FBRS: variants seen among roughly 807,000 people sequenced by gnomAD.
FBRS encodes the protein fibrosin.
Under a neutral mutation model 86.1 loss-of-function variants are expected in FBRS, and 15 were observed. That is an observed-to-expected ratio of 0.17 (90% CI 0.12 to 0.27). The LOEUF (loss-of-function observed/expected upper bound fraction) is 0.27. Ranked by LOEUF, FBRS falls within the 10% of genes least tolerant of loss-of-function variation. The pLI is 1.00. For missense variants in FBRS, 1,367 were observed against 1,301.6 expected, an observed-to-expected ratio of 1.05 and a Z score of -0.77; for synonymous variants, 666 against 575.8, an observed-to-expected ratio of 1.16 and a Z score of -2.24.
At chr16:30,663,448 T>C (rs1161817358) in intron 6 of FBRS, among the ~76,000 whole-genome samples, 1 of 152,040 alleles carries the variant, frequency 6.6e-6, no homozygotes, top group Non-Finnish European at 1.5e-5. Context: ...TTTTGTGAAC[T>C]TTAGAAAGCT....
rs1311000860 is a variant in FBRS at position 30,665,208 on chromosome 16, CT to C, written c.1609-97del. 4 of 1,512,796 alleles carry C rather than the reference CT, an allele frequency of 2.6e-6. No homozygotes were observed. The East Asian group carries it at 9.7e-5, about 37-fold the overall frequency. 93.7% of individuals were successfully genotyped at this position (1,512,796 alleles called of 1,614,324 possible). On this transcript the variant is annotated intron_variant, in intron 9 of 17. Transcript: ENST00000356166. The surrounding 1 kb of genome is among the most constrained non-coding windows in gnomAD (Gnocchi z 4.1). ...AGAGCCTTGAGCCTGGGACAGCTCCCTGGGGGGCTTTAGGGTGGAGGCCCGT... is the reference window on the plus strand; with the variant it reads ...AGAGCCTTGAGCCTGGGACAGCTCCCGGGGGGCTTTAGGGTGGAGGCCCGT...
At chr16:30,666,635 C>G in intron 12 of FBRS, 94 bp downstream of exon 12, 1 of 1,580,570 alleles carries the variant, frequency 6.3e-7, no homozygotes, top group African/African-American at 1.3e-5. Context: ...AAGTGAGAAG[C>G]CCAGAACATG....
chr16:30,668,808 G>A lies in FBRS; in HGVS notation c.2195G>A (p.Gly732Glu), dbSNP rs2052554044. The A allele has an allele frequency of 6.3e-7, 1 of 1,599,440 alleles. No individual in the cohort carries two copies. The highest frequency in any genetic ancestry group is 8.5e-7 in the Non-Finnish European group (1 of 1,178,228). The part of the protein sequence containing the change: ...GAVFAQKESP[G>E]APPAFASPPD... ...GTCTTTGCCCAGAAAGAAAGCCCAG[G>A]GGCCCCACCAGCCTTCGCCTCCCCA... Residue 732 changes from glycine (G) to glutamate (E), a missense_variant, in exon 17 of 18, where the codon GGG becomes GAG. Physicochemically the swap from Gly to Glu is moderately conservative, Grantham distance 98. Around this residue, in one of 3 missense-constraint regions of FBRS, gnomAD observed 659 missense variants for 678.8 expected, o/e 0.97. Coordinates refer to ENST00000356166, the MANE Select transcript of FBRS (RefSeq NM_001105079.3).
At chr16:30,663,833 C>T (rs893925) in intron 6 of FBRS, among the ~76,000 whole-genome samples, 2,961 of 152,316 alleles carry the variant, frequency 0.019, 87 homozygotes, top group African/African-American at 0.069. Context: ...ATTCAGGTCT[C>T]CTGACTCCCA....
rs2052566347 is a variant in FBRS, at chr16:30,669,263, G to A, written c.2561G>A (p.Gly854Asp). 6.4e-7 allele frequency: 1 copy of A among 1,562,422 alleles called. No individual in the cohort carries two copies. The change falls in exon 18 of 18, where the codon GGC (glycine) becomes GAC (aspartate). Residue 854 changes from glycine (G) to aspartate (D), a missense_variant. By Grantham distance (94) the Gly-to-Asp change is moderately conservative (BLOSUM62 -1). This residue lies in a region of FBRS where 659 missense variants were observed against 678.8 expected (regional missense o/e 0.97). Coordinates refer to ENST00000356166, the MANE Select transcript of FBRS (RefSeq NM_001105079.3). This position sits in a 1 kb window ranked among gnomAD's most constrained non-coding sequence, Gnocchi z 5.9. ...GCCGCAGCAGCCACTGGGCCCCAGGGCCTTCACCTGCTGTTTGAGAGGCCC... is the reference window on the plus strand; with the variant it reads ...GCCGCAGCAGCCACTGGGCCCCAGGACCTTCACCTGCTGTTTGAGAGGCCC... The part of the protein sequence containing the change: ...AAAAAATGPQ[G>D]LHLLFERPRP...
At position 30,660,451 on chromosome 16, in the gene FBRS, G is replaced by A; in HGVS notation, c.639+9G>A. On this transcript the variant is annotated intron_variant, in intron 2 of 17. Transcript: ENST00000356166. Reference sequence around the variant, plus strand: ...AGCGGAGAAGAAAAGAGGTGAGGTTGTCCCTTAAAACTCTTTAGGCAGAAT... The same window carrying A: ...AGCGGAGAAGAAAAGAGGTGAGGTTATCCCTTAAAACTCTTTAGGCAGAAT... The A allele has an allele frequency of 8.0e-7, 1 of 1,257,428 alleles. No individual in the cohort carries two copies. The allele number at this position is 1,257,428 out of a possible 1,614,324, so 77.9% of individuals were successfully genotyped here. A position where few individuals can be genotyped will look rare whatever the true frequency, so the allele number is the denominator to read the frequency against.
In FBRS at chr16:30,660,382, G is replaced by T; in HGVS notation, c.579G>T (p.Glu193Asp). The change falls in exon 2 of 18, where the codon GAG becomes GAT. Residue 193 changes from glutamate (E) to aspartate (D), a missense_variant. Transcript: ENST00000356166. ...TGEPGDSSDR[E>D]PGRPPGDRAR... ...AGCCAGGGGACAGCTCTGATCGAGAGCCTGGCCGGCCCCCTGGGGATCGGG... is the reference window on the plus strand; with the variant it reads ...AGCCAGGGGACAGCTCTGATCGAGATCCTGGCCGGCCCCCTGGGGATCGGG... The T allele has an allele frequency of 7.9e-7, 1 of 1,265,044 alleles. No individual in the cohort carries two copies. Among genetic ancestry groups the T allele is most frequent in the Non-Finnish European group, 1.0e-6 (1 of 995,856 alleles). The allele number at this position is 1,265,044 out of a possible 1,614,324, so 78.4% of individuals were successfully genotyped here. A position where few individuals can be genotyped will look rare whatever the true frequency, so the allele number is the denominator to read the frequency against.
chr16:30,664,439 G>A lies in FBRS; in HGVS notation c.1280G>A (p.Gly427Asp). The change falls in exon 7 of 18, where the codon GGC (glycine) becomes GAC (aspartate). Residue 427 changes from glycine to aspartate, a missense_variant. By Grantham distance (94) the Gly-to-Asp change is moderately conservative. Transcript: ENST00000356166. ...PPHHPSLFSP[G>D]PTLPPPPPLL... ...CACCACCCCTCCTTGTTCTCCCCTGGCCCCACCCTGCCCCCACCCCCACCC... is the reference window on the plus strand; with the variant it reads ...CACCACCCCTCCTTGTTCTCCCCTGACCCCACCCTGCCCCCACCCCCACCC... The A allele has an allele frequency of 8.0e-7, 1 of 1,250,440 alleles. No individual in the cohort carries two copies. Among genetic ancestry groups the A allele is most frequent in the Non-Finnish European group, 1.0e-6 (1 of 966,920 alleles). The allele number at this position is 1,250,440 out of a possible 1,614,324, so 77.5% of individuals were successfully genotyped here. A position where few individuals can be genotyped will look rare whatever the true frequency, so the allele number is the denominator to read the frequency against.
At position 30,668,776 on chromosome 16, in the gene FBRS, C is replaced by G; in HGVS notation, c.2163C>G (p.Ser721=). ...TCTGCTTCACCCTCTGCCCAGACTC[C>G]GGCGCCGTCTTTGCCCAGAAAGAAA... ...FGGLGSPTFN[S]GAVFAQKESP... Residue 721 remains serine, a synonymous_variant, in exon 17 of 18, where the codon TCC becomes TCG. Transcript: ENST00000356166. 6.2e-7 allele frequency: 1 copy of G among 1,600,248 alleles called. No homozygotes were observed. The highest frequency in any genetic ancestry group is 1.7e-4 in the Middle Eastern group (1 of 6,044).
chr16:30,668,393 T>C, intron 15 of FBRS, 167 bp from the exon 16 acceptor site: 1 of 625,576 alleles, frequency 1.6e-6, no homozygotes, highest in Non-Finnish European at 2.9e-6. Flanking sequence ...GACAGGGTGC[T>C]TGTCAAAGCT....
chr16:30,663,038 G>T, intron 6 of FBRS, 179 bp downstream of exon 6: 1 of 1,154,336 alleles, frequency 8.7e-7, no homozygotes, highest in Non-Finnish European at 1.1e-6. Context: ...ACATTCCCAT[G>T]CAGGGGAATC....
At chr16:30,663,138 C>T (rs1035718164) in intron 6 of FBRS, 1 of 426,332 alleles carries the variant, frequency 2.3e-6, no homozygotes, top group Non-Finnish European at 3.7e-6. Flanking sequence ...TTGGAACATA[C>T]TTTGGGAAAT....
rs1405237304 is a variant in FBRS at position 30,665,279 on chromosome 16, C to T, written c.1609-27C>T. 6.4e-7 allele frequency: 1 copy of T among 1,551,414 alleles called. No individual in the cohort carries two copies. The highest frequency in any genetic ancestry group is 1.4e-5 in the African/African-American group (1 of 73,226). ...ACTTGGGCTGCGCCTCCACCCCCACCTGTACTAGTCCCCCTTCTCTCCACA... is the reference window on the plus strand; with the variant it reads ...ACTTGGGCTGCGCCTCCACCCCCACTTGTACTAGTCCCCCTTCTCTCCACA... On this transcript the variant is annotated intron_variant, in intron 9 of 17. Coordinates refer to ENST00000356166, the MANE Select transcript of FBRS (RefSeq NM_001105079.3). This position sits in a 1 kb window ranked among gnomAD's most constrained non-coding sequence, Gnocchi z 4.1.
chr16:30,665,152 C>T lies in FBRS; in HGVS notation c.1608+73C>T. On this transcript the variant is annotated intron_variant, in intron 9 of 17. Coordinates refer to ENST00000356166, the MANE Select transcript of FBRS (RefSeq NM_001105079.3). The surrounding 1 kb of genome is among the most constrained non-coding windows in gnomAD (Gnocchi z 4.1). ...GATGCATCCATGCTTGTGACCCTGACTGCTGGGGTCCAGTCTTCAGCACAA... is the reference window on the plus strand; with the variant it reads ...GATGCATCCATGCTTGTGACCCTGATTGCTGGGGTCCAGTCTTCAGCACAA... The T allele has an allele frequency of 1.9e-6, 3 of 1,570,128 alleles. No homozygotes were observed. Among genetic ancestry groups the T allele is most frequent in the Non-Finnish European group, 8.6e-7 (1 of 1,157,542 alleles).
Position 30,665,494 on chromosome 16 carries a change from G to C in FBRS, c.1704+93G>C. 1 of 1,425,102 alleles carries C rather than the reference G, an allele frequency of 7.0e-7. No homozygotes were observed. The highest frequency in any genetic ancestry group is 9.7e-7 in the Non-Finnish European group (1 of 1,032,268). The allele number at this position is 1,425,102 out of a possible 1,614,324, so 88.3% of individuals were successfully genotyped here. ...CACCCTTCTCCCATTCCCCAAAGTC[G>C]TGCCCATCCTCCTGCCCTGCCCTGC... is the stretch of plus-strand genomic sequence containing the variant. On this transcript the variant is annotated intron_variant, in intron 10 of 17. Transcript: ENST00000356166. The surrounding 1 kb of genome is among the most constrained non-coding windows in gnomAD (Gnocchi z 4.1).
At chr16:30,661,000 CCGG>C (rs2052453155) in intron 2 of FBRS, among the ~76,000 whole-genome samples, 177 bp from the exon 3 acceptor site, 1 of 152,062 alleles carries the variant, frequency 6.6e-6, no homozygotes, top group Non-Finnish European at 1.5e-5. Flanking sequence ...ACGTGAGGAC[CCGG>C]CGTATTTAGA....
In FBRS at chr16:30,668,473, C is replaced by G. The variant is rs1369344935; in HGVS notation, c.2075-87C>G. The G allele has an allele frequency of 7.5e-6, 9 of 1,201,626 alleles. 1 individual carries two copies. Among genetic ancestry groups the G allele is most frequent in the Middle Eastern group, 5.7e-4 (2 of 3,524 alleles). The allele number at this position is 1,201,626 out of a possible 1,614,324, so 74.4% of individuals were successfully genotyped here. On this transcript the variant is annotated intron_variant, in intron 15 of 17. Transcript: ENST00000356166. Reference sequence around the variant, plus strand: ...AAAGCAGGCAGCTGAGGACTCCAGGCACCGGTCCTGCCTCTGCCCAGCCAG... The same window carrying G: ...AAAGCAGGCAGCTGAGGACTCCAGGGACCGGTCCTGCCTCTGCCCAGCCAG...
Position 30,669,653 on chromosome 16 carries a change from G to T in FBRS, c.*8G>T, listed in dbSNP as rs746764663. On this transcript the variant is annotated 3_prime_UTR_variant, in exon 18 of 18. Transcript: ENST00000356166. This position sits in a 1 kb window ranked among gnomAD's most constrained non-coding sequence, Gnocchi z 5.9. Reference sequence around the variant, plus strand: ...GCTCGGGCTGACAGGTGAGGGGAACGGGGGGGGGTCGGGGCAAAGCTCCAT... The same window carrying T: ...GCTCGGGCTGACAGGTGAGGGGAACTGGGGGGGGTCGGGGCAAAGCTCCAT... 3.9e-5 allele frequency: 56 copies of T among 1,447,492 alleles called. No individual in the cohort carries two copies. The highest frequency in any genetic ancestry group is 1.8e-4 in the Middle Eastern group (1 of 5,544). The allele number at this position is 1,447,492 out of a possible 1,614,324, so 89.7% of individuals were successfully genotyped here.
At position 30,659,718 on chromosome 16, in the gene FBRS, G is replaced by T; in HGVS notation, c.200G>T (p.Trp67Leu). 2 of 1,146,866 alleles carry T rather than the reference G, an allele frequency of 1.7e-6. No homozygotes were observed. Among genetic ancestry groups the T allele is most frequent in the South Asian group, 1.4e-5 (1 of 70,988 alleles). The allele number at this position is 1,146,866 out of a possible 1,614,324, so 71.0% of individuals were successfully genotyped here. The stretch of plus-strand genomic sequence containing the variant: ...TCGCCGCCGCCGCCCGCCAGGCCTT[G>T]GTCGTCAGCTTCGTCTGGAGAGCGG... ...SSSPPPPARP[W>L]SSASSGERPG... The change falls in exon 1 of 18, where the codon TGG becomes TTG. Residue 67 changes from tryptophan (W) to leucine (L), a missense_variant. By Grantham distance (61) the Trp-to-Leu change is moderately conservative (BLOSUM62 -2). Around this residue, in one of 3 missense-constraint regions of FBRS, gnomAD observed 702 missense variants for 598.7 expected, o/e 1.17. Coordinates refer to ENST00000356166, the MANE Select transcript of FBRS (RefSeq NM_001105079.3).
Sources: gnomAD v4.1 joint callset for allele counts (sites outside exome capture counted in the v4.1 genomes callset) on GRCh38, gnomAD v4.1.1 for gene constraint, gnomAD v4.1.1 regional missense constraint, Gnocchi (gnomAD v3.1) non-coding constraint, MANE v1.5 for transcripts, NCBI Gene and HGNC (gene_info 2026-07-23, HGNC 2026-07-21) for gene names.